The following CARS1 variants were observed in gnomAD, a reference collection of about 807,000 sequenced individuals.
CARS1 encodes the protein cysteinyl-tRNA synthetase 1.
Under a neutral mutation model 106.2 loss-of-function variants are expected in CARS1, and 48 were observed. The observed-to-expected ratio is 0.45, with a 90% CI of 0.36 to 0.57. The LOEUF is 0.57. CARS1 is among the 20% of genes least tolerant of loss of function. The pLI is 0.00. For missense variants in CARS1, 968 were observed against 1,057.2 expected, an observed-to-expected ratio of 0.92 and a Z score of 1.17; for synonymous variants, 409 against 403.4, an observed-to-expected ratio of 1.01 and a Z score of -0.17.
chr11:3,019,562 AG>A lies in CARS1; in HGVS notation c.1267-296del, dbSNP rs1319793067. Among the ~76,000 whole-genome samples, 1 of 151,970 alleles carries A rather than the reference AG, an allele frequency of 6.6e-6. No individual in the cohort carries two copies. Among genetic ancestry groups the A allele is most frequent in the Non-Finnish European group, 1.5e-5 (1 of 67,978 alleles). On this transcript the variant is annotated intron_variant, in intron 11 of 22. Transcript: ENST00000380525. This position sits in a 1 kb window ranked among gnomAD's most constrained non-coding sequence, Gnocchi z 6.2. Reference sequence around the variant, plus strand: ...TACAAAAAAATACAAAAATTAGCTGAGCATGGTGACGTATGCCTGTAATCCC... The same window carrying A: ...TACAAAAAAATACAAAAATTAGCTGACATGGTGACGTATGCCTGTAATCCC...
chr11:3,006,521 A>C (rs1033167370), intron 19 of CARS1, among the ~76,000 whole-genome samples: 8 of 152,286 alleles, frequency 5.3e-5, no homozygotes, highest in Non-Finnish European at 8.8e-5. Context: ...ACCTCCACGA[A>C]GTGGGAGAAC....
chr11:3,035,151 A>G (rs566140253), intron 7 of CARS1, among the ~76,000 whole-genome samples: 3 of 152,340 alleles, frequency 2.0e-5, no homozygotes, highest in South Asian at 2.1e-4. Context: ...ACTAGGGATT[A>G]AGTTTCAGCA....
In CARS1 at chr11:3,050,039, C is replaced by A. The variant is rs1006454055; in HGVS notation, c.26-2038G>T. ...CAGCAGCAAGAATGCCCCACTGGGC[C>A]GAGCTCTTCACCCGCCAGGGAGCCT... On this transcript the variant is annotated intron_variant, in intron 1 of 22. Transcript: ENST00000380525. The surrounding 1 kb of genome is among the most constrained non-coding windows in gnomAD (Gnocchi z 6.3). Among the ~76,000 whole-genome samples the A allele has an allele frequency of 6.6e-6, 1 of 152,200 alleles. No homozygotes were observed. The highest frequency in any genetic ancestry group is 1.9e-4 in the East Asian group (1 of 5,190).
rs547624335 is a variant in CARS1 at position 3,053,207 on chromosome 11, T to C, written c.25+4136A>G. Among the ~76,000 whole-genome samples, 4 of 152,244 alleles carry C rather than the reference T, an allele frequency of 2.6e-5. No homozygotes were observed. In the East Asian group the frequency reaches 7.8e-4, roughly 30 times the overall value. ...TCTGGCTCTTTCCTATCAGCATTTA[T>C]TTTTTATTTATTTTTATTTTATTTT... On this transcript the variant is annotated intron_variant, in intron 1 of 22. Transcript: ENST00000380525. The surrounding 1 kb of genome is among the most constrained non-coding windows in gnomAD (Gnocchi z 6.6).
chr11:3,045,423 C>G lies in CARS1; in HGVS notation c.274+2330G>C, dbSNP rs1261099541. ...GGGACTATAGGCACCCGCCATCACG[C>G]CCGGCTAATTTTTTGTATTTTTAGT... On this transcript the variant is annotated intron_variant, in intron 2 of 22. Coordinates refer to ENST00000380525, the MANE Select transcript of CARS1 (RefSeq NM_001014437.3). This position sits in a 1 kb window ranked among gnomAD's most constrained non-coding sequence, Gnocchi z 5.6. 6.6e-6 allele frequency among the ~76,000 whole-genome samples: 1 copy of G among 152,134 alleles called. No homozygotes were observed. Among genetic ancestry groups the G allele is most frequent in the Non-Finnish European group, 1.5e-5 (1 of 68,030 alleles).
At chr11:3,012,379 G>T in intron 17 of CARS1, 103 bp from the exon 18 acceptor site, 1 of 992,046 alleles carries the variant, frequency 1.0e-6, no homozygotes, top group Non-Finnish European at 1.6e-6. Context: ...GACTGGCATG[G>T]GCAGTGCTGC....
chr11:3,007,921 G>C (rs555593875), intron 18 of CARS1: 2 of 152,262 alleles, frequency 1.3e-5, no homozygotes, highest in African/African-American at 2.4e-5. Flanking sequence ...GGGTGTTACA[G>C]GGTAAATGGG....
Position 3,018,427 on chromosome 11 carries a change from T to C in CARS1, c.1610A>G (p.Gln537Arg). Reference sequence around the variant, plus strand: ...ACTCACATTCAAGAACTTCTCATATTGAAGCGCTGACTCCATGGTGTTGCT... The same window carrying C: ...ACTCACATTCAAGAACTTCTCATATCGAAGCGCTGACTCCATGGTGTTGCT... ...YSSNTMESALQYEKFLNEFFL... is the reference protein window; with the variant it reads ...YSSNTMESALRYEKFLNEFFL... The change falls in exon 14 of 23, where the codon CAA becomes CGA. Residue 537 changes from glutamine (Q) to arginine (R), a missense_variant. Transcript: ENST00000380525. The C allele has an allele frequency of 6.2e-7, 1 of 1,613,594 alleles. No homozygotes were observed. Among genetic ancestry groups the C allele is most frequent in the Non-Finnish European group, 8.5e-7 (1 of 1,179,512 alleles).
At chr11:3,051,462 G>A (rs542747753) in intron 1 of CARS1, among the ~76,000 whole-genome samples, 2 of 152,260 alleles carry the variant, frequency 1.3e-5, no homozygotes. Flanking sequence ...CAGGGAGGAC[G>A]GAGGCGGAGG....
At position 3,040,890 on chromosome 11, in the gene CARS1, A is replaced by G; in HGVS notation, c.455+6T>C. 1 of 1,613,300 alleles carries G rather than the reference A, an allele frequency of 6.2e-7. No individual in the cohort carries two copies. Among genetic ancestry groups the G allele is most frequent in the Non-Finnish European group, 8.5e-7 (1 of 1,179,660 alleles). ...AAGCTGCAGGGACACCCCGCGGTGGACCTACCTGGCGTGCCCCATGTGAGA... is the reference window on the plus strand; with the variant it reads ...AAGCTGCAGGGACACCCCGCGGTGGGCCTACCTGGCGTGCCCCATGTGAGA... On this transcript the variant is annotated splice_donor_region_variant and intron_variant, in intron 4 of 22. Transcript: ENST00000380525. This position sits in a 1 kb window ranked among gnomAD's most constrained non-coding sequence, Gnocchi z 5.8.
rs1489461499 is a variant in CARS1, at chr11:3,046,308, C to T, written c.274+1445G>A. ...CCACTGCTGAGCTGGACGTACCAGG[C>T]CCGCTTCACCCTCCCTAATCCTGCC... On this transcript the variant is annotated intron_variant, in intron 2 of 22. Transcript: ENST00000380525. The surrounding 1 kb of genome is among the most constrained non-coding windows in gnomAD (Gnocchi z 5.8). Among the ~76,000 whole-genome samples the T allele has an allele frequency of 6.6e-6, 1 of 152,188 alleles. No individual in the cohort carries two copies. Among genetic ancestry groups the T allele is most frequent in the East Asian group, 1.9e-4 (1 of 5,196 alleles).
At chr11:3,026,897 A>T (rs1173299706) in intron 9 of CARS1, 100 bp from the exon 10 acceptor site, 1 of 1,371,224 alleles carries the variant, frequency 7.3e-7, no homozygotes, top group Non-Finnish European at 1.0e-6. Flanking sequence ...TAAAAGTGCG[A>T]AATCTGTGGC....
Position 3,026,780 on chromosome 11 carries a change from G to C in CARS1, c.1049C>G (p.Ser350Cys), listed in dbSNP as rs376558298. The part of the protein sequence containing the change: ...DNGYGYVSNG[S>C]VYFDTAKFAS... ...AAACTTCGCTGTATCAAAGTAGACA[G>C]ACCCATTGGAGACATAGCTGGAAAA... Residue 350 changes from serine (S) to cysteine (C), a missense_variant, in exon 10 of 23, where the codon TCT becomes TGT. Coordinates refer to ENST00000380525, the MANE Select transcript of CARS1 (RefSeq NM_001014437.3). The C allele has an allele frequency of 5.0e-6, 8 of 1,612,792 alleles. No homozygotes were observed. The African/African-American group carries it at 1.1e-4, about 22-fold the overall frequency.
chr11:3,001,893 T>C (rs1849431103), intron 22 of CARS1, 77 bp downstream of exon 22: 2 of 1,156,924 alleles, frequency 1.7e-6, no homozygotes, highest in East Asian at 2.3e-5. Context: ...TTGTCCAAGG[T>C]TGAAAATTCC....
At chr11:3,009,344 C>A (rs1319605078) in intron 18 of CARS1, 2 of 152,186 alleles carry the variant, frequency 1.3e-5, no homozygotes, top group Admixed American at 6.5e-5. Context: ...AGACACAGGA[C>A]AAACACTGTG....
chr11:3,015,241 A>G lies in CARS1; in HGVS notation c.1986+540T>C, dbSNP rs545875364. On this transcript the variant is annotated intron_variant, in intron 17 of 22. Coordinates refer to ENST00000380525, the MANE Select transcript of CARS1 (RefSeq NM_001014437.3). Reference sequence around the variant, plus strand: ...ATGACCTCCCCCTGACCTGTGGGCCACAGCTCTGGGGCAGGGGGTCCTGGC... The same window carrying G: ...ATGACCTCCCCCTGACCTGTGGGCCGCAGCTCTGGGGCAGGGGGTCCTGGC... 1.8e-3 allele frequency among the ~76,000 whole-genome samples: 271 copies of G among 152,326 alleles called. 1 individual carries two copies. The highest frequency in any genetic ancestry group is 3.0e-3 in the Non-Finnish European group (206 of 68,012).
chr11:3,005,800 C>T (rs1416251702), intron 19 of CARS1, among the ~76,000 whole-genome samples: 2 of 152,012 alleles, frequency 1.3e-5, no homozygotes, highest in Admixed American at 6.6e-5. Flanking sequence ...TTAGTGGAGA[C>T]GGGGTTTCAC....
At chr11:3,005,054 G>A (rs1257968379) in intron 20 of CARS1, among the ~76,000 whole-genome samples, 1 of 140,246 alleles carries the variant, frequency 7.1e-6, no homozygotes, top group African/African-American at 2.7e-5. Flanking sequence ...GTTGCAGTGA[G>A]CCAAGATCGT....
At position 3,021,865 on chromosome 11, in the gene CARS1, G is replaced by A. The variant is rs1851598952; in HGVS notation, c.1154-1533C>T. On this transcript the variant is annotated intron_variant, in intron 10 of 22. Transcript: ENST00000380525. The surrounding 1 kb of genome is among the most constrained non-coding windows in gnomAD (Gnocchi z 5.3). ...CAATGTGATATGGCCCATGACATTC[G>A]CTTTTAGATGCTCTTTGATAGAAAA... Among the ~76,000 whole-genome samples the A allele has an allele frequency of 6.6e-6, 1 of 152,126 alleles. No homozygotes were observed. The highest frequency in any genetic ancestry group is 1.5e-5 in the Non-Finnish European group (1 of 68,026).
Sources: allele counts gnomAD v4.1 joint callset (sites outside exome capture counted in the v4.1 genomes callset), GRCh38; gene constraint gnomAD v4.1.1; non-coding constraint Gnocchi (gnomAD v3.1); transcripts MANE v1.5; gene names NCBI Gene and HGNC (gene_info 2026-07-23, HGNC 2026-07-21).